The following FAM110B variants were observed in gnomAD, a reference collection of about 807,000 sequenced individuals.
FAM110B encodes family with sequence similarity 110 member B, also known as protein FAM110B.
FAM110B carries 6 observed loss-of-function variants against 20.4 expected under a neutral mutation model. That is an observed-to-expected ratio of 0.29 (90% CI 0.16 to 0.58). The LOEUF (loss-of-function observed/expected upper bound fraction) is 0.58, where lower values mean the gene tolerates loss of function less well. Ranked by LOEUF, FAM110B falls within the 20% of genes least tolerant of loss-of-function variation. FAM110B has a pLI of 0.90. For missense variants in FAM110B, 434 were observed against 498.2 expected (o/e 0.87, Z 1.23); for synonymous variants, 226 against 214.1 (o/e 1.06, Z -0.49).
At chr8:58,050,787 G>T (rs530379742) in intron 2 of FAM110B, among the ~76,000 whole-genome samples, 1 of 152,170 alleles carries the variant, frequency 6.6e-6, no homozygotes, top group South Asian at 2.1e-4. Context: ...TGCCAATCAC[G>T]GGAGTCAAAT....
chr8:58,120,159 T>C lies in FAM110B; in HGVS notation c.-324-25748T>C, dbSNP rs1001177452. Among the ~76,000 whole-genome samples the C allele has an allele frequency of 5.3e-5, 8 of 152,374 alleles. No individual in the cohort carries two copies. In the South Asian group the frequency reaches 1.0e-3, roughly 20 times the overall value. ...ATATTTAAAGAAGATAGGCAAACTA[T>C]GTTTGCACATAATTTTTTTTTATTA... is the stretch of plus-strand genomic sequence containing the variant. On this transcript the variant is annotated intron_variant, in intron 3 of 3. Coordinates refer to ENST00000519262, the MANE Select transcript of FAM110B (RefSeq NM_001377989.1).
intron 3 of FAM110B, among the ~76,000 whole-genome samples, chr8:58,081,664 A>G (rs1007718213): frequency 2.0e-5 from 3 of 152,070 alleles, no homozygotes; most frequent in Admixed American, 6.6e-5. Flanking sequence ...CATGTTCCCT[A>G]CACACCTGGT....
chr8:58,124,235 C>G (rs1169943368), intron 3 of FAM110B, among the ~76,000 whole-genome samples: 2 of 152,180 alleles, frequency 1.3e-5, no homozygotes, highest in Non-Finnish European at 2.9e-5. Context: ...TTGGGTTACT[C>G]AGTCAGCCCA....
rs564504751 is a variant in FAM110B at position 58,118,496 on chromosome 8, A to G, written c.-324-27411A>G. Among the ~76,000 whole-genome samples, 126 of 152,302 alleles carry G rather than the reference A, an allele frequency of 8.3e-4. 1 individual carries two copies. Among genetic ancestry groups the G allele is most frequent in the African/African-American group, 2.5e-3 (103 of 41,556 alleles). ...GCTTACCGGAAGATTAGCGGTGGGA[A>G]GTTTCTTCAGACTAGCTTAAGTAGA... is the stretch of plus-strand genomic sequence containing the variant. On this transcript the variant is annotated intron_variant, in intron 3 of 3. Coordinates refer to ENST00000519262, the MANE Select transcript of FAM110B (RefSeq NM_001377989.1).
At chr8:58,119,012 T>A (rs993534171) in intron 3 of FAM110B, among the ~76,000 whole-genome samples, 2 of 152,196 alleles carry the variant, frequency 1.3e-5, no homozygotes, top group African/African-American at 4.8e-5. Context: ...GATAATGGCA[T>A]CCTTTAGAAA....
At chr8:58,113,525 A>G (rs368970311) in intron 3 of FAM110B, 24 of 183,518 alleles carry the variant, frequency 1.3e-4, no homozygotes, top group African/African-American at 5.6e-4. Context: ...TTGGAAAGAG[A>G]GGAAGACGTA....
chr8:58,071,143 A>C (rs1805888004), intron 2 of FAM110B, among the ~76,000 whole-genome samples: 1 of 152,162 alleles, frequency 6.6e-6, no homozygotes, highest in South Asian at 2.1e-4. Context: ...GAAAATTGAT[A>C]ATCTTAAATA....
intron 2 of FAM110B, among the ~76,000 whole-genome samples, chr8:58,046,169 T>C (rs758150679): frequency 1.1e-4 from 17 of 152,340 alleles, no homozygotes; most frequent in South Asian, 1.0e-3. Flanking sequence ...ACATAAAATA[T>C]GATATTCATT....
At chr8:58,071,636 A>G (rs528950466) in intron 2 of FAM110B, among the ~76,000 whole-genome samples, 1 of 152,236 alleles carries the variant, frequency 6.6e-6, no homozygotes, top group African/African-American at 2.4e-5. Context: ...ATTTCCTTTC[A>G]GGTCCATCCT....
At chr8:58,105,058 G>T (rs1806875080) in intron 3 of FAM110B, among the ~76,000 whole-genome samples, 1 of 150,566 alleles carries the variant, frequency 6.6e-6, no homozygotes. Flanking sequence ...CAGCTTTGCA[G>T]CCTGAGGGCC....
chr8:58,032,399 G>T (rs1159092235), intron 2 of FAM110B: 1 of 152,098 alleles, frequency 6.6e-6, no homozygotes, highest in Non-Finnish European at 1.5e-5. Context: ...TTACAGATAG[G>T]TAGCATAGAA....
intron 2 of FAM110B, among the ~76,000 whole-genome samples, chr8:58,071,372 C>G (rs778946866): frequency 3.3e-5 from 5 of 152,168 alleles, no homozygotes; most frequent in Non-Finnish European, 5.9e-5. Flanking sequence ...TCCACAGAAA[C>G]TTGTGTATTG....
intron 1 of FAM110B, among the ~76,000 whole-genome samples, chr8:58,015,653 CT>C (rs1359232433): frequency 1.3e-5 from 2 of 151,846 alleles, no homozygotes; most frequent in Admixed American, 1.3e-4. Flanking sequence ...CGAGACCAGC[CT>C]GGCTAACATG....
rs140285818 is a variant in FAM110B, at chr8:58,002,580, C to T, written c.-512+7774C>T. Among the ~76,000 whole-genome samples, 16 of 152,244 alleles carry T rather than the reference C, an allele frequency of 1.1e-4. No individual in the cohort carries two copies. The East Asian group carries it at 3.1e-3, about 29-fold the overall frequency. ...AATGAAGACAGTATCTACTGGCATA[C>T]CTTGGAGACAAATTGTGGGTTTGAT... On this transcript the variant is annotated intron_variant, in intron 1 of 3. Transcript: ENST00000519262.
At chr8:58,019,554 T>C (rs1230058675) in intron 1 of FAM110B, among the ~76,000 whole-genome samples, 1 of 152,084 alleles carries the variant, frequency 6.6e-6, no homozygotes, top group Non-Finnish European at 1.5e-5. Context: ...GTGATTAACT[T>C]TCTTAGCTTT....
At chr8:58,139,745 G>A (rs1268386205) in intron 3 of FAM110B, among the ~76,000 whole-genome samples, 2 of 152,058 alleles carry the variant, frequency 1.3e-5, no homozygotes, top group Non-Finnish European at 2.9e-5. Flanking sequence ...GGCTAACAAC[G>A]GTGAAACCCC....
At chr8:58,071,699 G>A (rs910135551) in intron 2 of FAM110B, among the ~76,000 whole-genome samples, 2 of 151,808 alleles carry the variant, frequency 1.3e-5, no homozygotes, top group Non-Finnish European at 2.9e-5. Context: ...ATTTTTAAGG[G>A]GAAAAAAAGG....
intron 2 of FAM110B, among the ~76,000 whole-genome samples, chr8:58,056,157 C>G (rs925290273): frequency 1.3e-5 from 2 of 152,136 alleles, no homozygotes; most frequent in Non-Finnish European, 2.9e-5. Context: ...ATAAGACTGT[C>G]CTGCAAGGCA....
chr8:58,095,785 G>T (rs1806608611), intron 3 of FAM110B, among the ~76,000 whole-genome samples: 1 of 152,082 alleles, frequency 6.6e-6, no homozygotes, highest in Admixed American at 6.6e-5. Flanking sequence ...TTCAAGTCCT[G>T]AATATCCTTG....
Sources: allele counts gnomAD v4.1 joint callset (sites outside exome capture counted in the v4.1 genomes callset), GRCh38; gene constraint gnomAD v4.1.1; transcripts MANE v1.5; gene names NCBI Gene and HGNC (gene_info 2026-07-23, HGNC 2026-07-21).